The following SEC14L5 variants were observed in gnomAD, a reference collection of about 807,000 sequenced individuals.
SEC14L5 encodes SEC14 like lipid binding 5, also known as SEC14-like protein 5.
In SEC14L5, 96 loss-of-function variants were observed where a neutral mutation model predicts 84.6. The observed-to-expected ratio is 1.13, with a 90% CI of 0.96 to 1.34. The LOEUF (loss-of-function observed/expected upper bound fraction) is 1.34. SEC14L5 is among the 40% of genes most tolerant of loss of function. SEC14L5 has a pLI of 0.00. For missense variants in SEC14L5, 1,224 were observed against 942.5 expected (o/e 1.30, Z -3.91); for synonymous variants, 546 against 383.4 (o/e 1.42, Z -4.95).
Position 4,987,689 on chromosome 16 carries a change from C to A in SEC14L5, c.196C>A (p.Pro66Thr). 6.5e-7 allele frequency: 1 copy of A among 1,531,958 alleles called. No individual in the cohort carries two copies. The highest frequency in any genetic ancestry group is 8.7e-7 in the Non-Finnish European group (1 of 1,143,216). 94.9% of individuals were successfully genotyped at this position (1,531,958 alleles called of 1,614,324 possible). Residue 66 changes from proline to threonine, a missense_variant, in exon 3 of 16, where the codon CCG (proline) becomes ACG (threonine). Coordinates refer to ENST00000251170, the MANE Select transcript of SEC14L5 (RefSeq NM_014692.2). ...GAGCTGCCGGCTGCGCGTGGACGCC[C>A]CGCGGCTGCTGCGGAAGGTGGGCGG... is the stretch of plus-strand genomic sequence containing the variant. The part of the protein sequence containing the change: ...ERSCRLRVDA[P>T]RLLRKIAGVE...
At chr16:4,993,334 C>T (rs928566271) in intron 6 of SEC14L5, among the ~76,000 whole-genome samples, 10 of 152,062 alleles carry the variant, frequency 6.6e-5, no homozygotes, top group East Asian at 5.8e-4. Flanking sequence ...CTCTGCCTCC[C>T]GGCTTCAAGC....
At chr16:4,962,686 CAA>C (rs761644374) in intron 2 of SEC14L5, among the ~76,000 whole-genome samples, 17 of 81,258 alleles carry the variant, frequency 2.1e-4, no homozygotes, top group East Asian at 4.4e-4. Flanking sequence ...AACTCTGTCT[CAA>C]AAAAAAAAAA....
chr16:5,013,536 G>A (rs1435110963), intron 15 of SEC14L5, among the ~76,000 whole-genome samples: 1 of 145,572 alleles, frequency 6.9e-6, no homozygotes, highest in Non-Finnish European at 1.5e-5. Flanking sequence ...ATAGGCATGG[G>A]CTAGCTTGCC....
At chr16:4,989,752 C>T (rs747991977) in intron 4 of SEC14L5, among the ~76,000 whole-genome samples, 8 of 152,294 alleles carry the variant, frequency 5.3e-5, no homozygotes, top group Non-Finnish European at 1.2e-4. Context: ...GTTGTTGAAA[C>T]CCCTCTTAGT....
rs373532254 is a variant in SEC14L5, at chr16:5,003,558, C to T, written c.1287C>T (p.Pro429=). The change falls in exon 11 of 16, where the codon CCC becomes CCT. Residue 429 remains proline (P), a synonymous_variant. Coordinates refer to ENST00000251170, the MANE Select transcript of SEC14L5 (RefSeq NM_014692.2). The stretch of plus-strand genomic sequence containing the variant: ...TCGTGCGAGCCCCCCGAGTCTTCCC[C>T]GTGCTCTGGACACTGGTAAGAGCTG... The part of the protein sequence containing the change: ...LLIVRAPRVF[P]VLWTLISPFI... The T allele has an allele frequency of 4.8e-5, 65 of 1,343,256 alleles. 1 individual carries two copies. In the South Asian group the frequency reaches 5.4e-4, roughly 11 times the overall value. 83.2% of individuals were successfully genotyped at this position (1,343,256 alleles called of 1,614,324 possible).
chr16:4,995,133 G>A (rs1424607892), intron 6 of SEC14L5, among the ~76,000 whole-genome samples: 4 of 152,188 alleles, frequency 2.6e-5, no homozygotes. Context: ...TGTTTTGGGG[G>A]TGCTGCTGGC....
intron 2 of SEC14L5, among the ~76,000 whole-genome samples, chr16:4,980,107 CA>C (rs1448539255): frequency 1.3e-5 from 2 of 152,220 alleles, no homozygotes; most frequent in African/African-American, 4.8e-5. Context: ...TCCTGAGCCT[CA>C]ACTTGCTCAT....
chr16:4,974,529 C>T (rs11647250), intron 2 of SEC14L5, among the ~76,000 whole-genome samples: 63,857 of 151,722 alleles, frequency 0.42, 13,842 homozygotes, highest in Non-Finnish European at 0.48. Flanking sequence ...AAAGGGTGGG[C>T]TATATGATAT....
chr16:4,965,603 C>G lies in SEC14L5; in HGVS notation c.63+6217C>G, dbSNP rs545766622. ...GTGAAACCGGGAGGCGGAGCTTGCA[C>G]TGAGCCGAGATAGCACCACTGCACT... On this transcript the variant is annotated intron_variant, in intron 2 of 15. Coordinates refer to ENST00000251170, the MANE Select transcript of SEC14L5 (RefSeq NM_014692.2). Among the ~76,000 whole-genome samples the G allele has an allele frequency of 6.5e-4, 87 of 134,040 alleles. 1 individual carries two copies. The highest frequency in any genetic ancestry group is 1.1e-3 in the Admixed American group (13 of 11,414). 87.9% of individuals were successfully genotyped at this position (134,040 alleles called of 152,430 possible). A position where few individuals can be genotyped will look rare whatever the true frequency, so the allele number is the denominator to read the frequency against.
At chr16:4,981,899 T>C (rs1955428265) in intron 2 of SEC14L5, among the ~76,000 whole-genome samples, 1 of 152,174 alleles carries the variant, frequency 6.6e-6, no homozygotes, top group Non-Finnish European at 1.5e-5. Flanking sequence ...CTCTGCTCTC[T>C]GTCCTCCGTG....
chr16:4,991,976 G>T lies in SEC14L5; in HGVS notation c.613G>T (p.Ala205Ser). ...AGPRDPSSLE[A>S]HGPRSTLGPA... Reference sequence around the variant, plus strand: ...ACCGAGGGACCCCAGCTCCCTGGAGGCCCACGGGCCCCGTAGCACCCTGGG... The same window carrying T: ...ACCGAGGGACCCCAGCTCCCTGGAGTCCCACGGGCCCCGTAGCACCCTGGG... The change falls in exon 6 of 16, where the codon GCC (alanine) becomes TCC (serine). Residue 205 changes from alanine (A) to serine (S), a missense_variant. Ala to Ser is a moderately conservative substitution (Grantham distance 99, BLOSUM62 1). Transcript: ENST00000251170. The T allele has an allele frequency of 1.3e-6, 2 of 1,588,508 alleles. No homozygotes were observed. Among genetic ancestry groups the T allele is most frequent in the Non-Finnish European group, 1.7e-6 (2 of 1,172,312 alleles).
intron 8 of SEC14L5, among the ~76,000 whole-genome samples, 186 bp from the exon 9 acceptor site, chr16:5,000,469 C>T (rs1955662423): frequency 6.6e-6 from 1 of 152,202 alleles, no homozygotes; most frequent in Non-Finnish European, 1.5e-5. Flanking sequence ...TGTTTTTCTG[C>T]CTTTCACAAT....
In SEC14L5 at chr16:4,996,490, G is replaced by A. The variant is rs1451751456; in HGVS notation, c.780+30G>A. 7 of 1,240,170 alleles carry A rather than the reference G, an allele frequency of 5.6e-6. No individual in the cohort carries two copies. The South Asian group carries it at 9.0e-5, about 16-fold the overall frequency. 76.8% of individuals were successfully genotyped at this position (1,240,170 alleles called of 1,614,324 possible). ...GTGCAGGGGGTACCCTGGAGCAGTG[G>A]ATGAATGGGCAATGACTGGTACTCA... On this transcript the variant is annotated intron_variant, in intron 7 of 15. Coordinates refer to ENST00000251170, the MANE Select transcript of SEC14L5 (RefSeq NM_014692.2).
intron 14 of SEC14L5, 105 bp downstream of exon 14, chr16:5,008,753 C>A: frequency 9.7e-7 from 1 of 1,026,498 alleles, no homozygotes. Context: ...GCTGCTGGTC[C>A]CCAGCCTCAG....
chr16:5,011,285 C>G lies in SEC14L5; in HGVS notation c.1979+12C>G. ...TCTGAGGACTTCAGGTAGGAGGGCTCCGGAGCGGGGTCCTGGGCAGGAAGG... is the reference window on the plus strand; with the variant it reads ...TCTGAGGACTTCAGGTAGGAGGGCTGCGGAGCGGGGTCCTGGGCAGGAAGG... On this transcript the variant is annotated intron_variant, in intron 15 of 15. Transcript: ENST00000251170. 1 of 1,608,322 alleles carries G rather than the reference C, an allele frequency of 6.2e-7. No individual in the cohort carries two copies. The highest frequency in any genetic ancestry group is 8.5e-7 in the Non-Finnish European group (1 of 1,175,492).
intron 2 of SEC14L5, among the ~76,000 whole-genome samples, chr16:4,982,581 T>C (rs189610341): frequency 5.8e-4 from 88 of 152,270 alleles, no homozygotes; most frequent in African/African-American, 1.7e-3. Context: ...CTGACCTGAA[T>C]TGGCTCCGAG....
At chr16:4,977,891 C>T (rs1345211969) in intron 2 of SEC14L5, among the ~76,000 whole-genome samples, 1 of 151,424 alleles carries the variant, frequency 6.6e-6, no homozygotes, top group Non-Finnish European at 1.5e-5. Flanking sequence ...ACCTCCTCCT[C>T]TCAGGTTCAA....
intron 2 of SEC14L5, among the ~76,000 whole-genome samples, chr16:4,985,817 C>T (rs1955479797): frequency 6.6e-6 from 1 of 150,634 alleles, no homozygotes. Flanking sequence ...TATATAGAAA[C>T]ACCCTATATT....
At chr16:4,982,856 G>A (rs925838760) in intron 2 of SEC14L5, among the ~76,000 whole-genome samples, 3 of 152,316 alleles carry the variant, frequency 2.0e-5, no homozygotes, top group South Asian at 4.1e-4. Flanking sequence ...CAGGGCTCGA[G>A]TCTGTGCTGT....
Sources: allele counts gnomAD v4.1 joint callset (sites outside exome capture counted in the v4.1 genomes callset), GRCh38; gene constraint gnomAD v4.1.1; transcripts MANE v1.5; gene names NCBI Gene and HGNC (gene_info 2026-07-23, HGNC 2026-07-21).